PPP2R5C: variants seen among roughly 807,000 people sequenced by gnomAD.
PPP2R5C encodes the protein protein phosphatase 2 regulatory subunit B'gamma.
PPP2R5C carries 7 observed loss-of-function variants against 68.9 expected under a neutral mutation model. The ratio of observed to expected loss-of-function variants is 0.10; its 90% CI spans 0.06 to 0.19. The LOEUF is 0.19. Ranked by LOEUF, PPP2R5C falls within the 10% of genes least tolerant of loss-of-function variation. The pLI is 1.00. For missense variants in PPP2R5C, 348 were observed against 641.3 expected (o/e 0.54, Z 4.94); for synonymous variants, 210 against 222.2 (o/e 0.95, Z 0.49).
Position 101,917,716 on chromosome 14 carries a change from C to T in PPP2R5C, c.1327-115C>T. 3 of 1,444,768 alleles carry T rather than the reference C, an allele frequency of 2.1e-6. No homozygotes were observed. The South Asian group carries it at 3.9e-5, about 19-fold the overall frequency. The allele number at this position is 1,444,768 out of a possible 1,614,324, so 89.5% of individuals were successfully genotyped here. On this transcript the variant is annotated intron_variant, in intron 12 of 13. Transcript: ENST00000334743. This position sits in a 1 kb window ranked among gnomAD's most constrained non-coding sequence, Gnocchi z 4.4. ...GGCGAGTCTCCCACTGAGTGGGCTT[C>T]CTGCGGGAGAGGGCCCTGGGGGGCG...
At chr14:101,777,146 C>G (rs966148943) in intron 2 of PPP2R5C, among the ~76,000 whole-genome samples, 4 of 151,912 alleles carry the variant, frequency 2.6e-5, no homozygotes, top group Non-Finnish European at 4.4e-5. Flanking sequence ...CCCAAACGCT[C>G]GTTCCTTTTT....
intron 6 of PPP2R5C, among the ~76,000 whole-genome samples, 196 bp from the exon 9 acceptor site, chr14:101,892,804 G>A (rs561459461): frequency 5.2e-4 from 79 of 152,046 alleles, no homozygotes; most frequent in African/African-American, 1.9e-3. Context: ...CTACAGCCTC[G>A]AACTCCGGGT....
intron 1 of PPP2R5C, chr14:101,836,496 A>G (rs1478232701): frequency 1.6e-6 from 1 of 613,598 alleles, no homozygotes; most frequent in Non-Finnish European, 2.9e-6. Flanking sequence ...GTCTCATGCC[A>G]GGATCTGCAG....
In PPP2R5C at chr14:101,825,211, C is replaced by CGTGTGTGTGTGTGT. The variant is rs10588262; in HGVS notation, c.94+15200_94+15213dup. Among the ~76,000 whole-genome samples the CGTGTGTGTGTGTGT allele has an allele frequency of 7.7e-4, 110 of 143,108 alleles. 2 individuals are homozygous for CGTGTGTGTGTGTGT. The highest frequency in any genetic ancestry group is 5.0e-3 in the East Asian group (24 of 4,816). 93.9% of individuals were successfully genotyped at this position (143,108 alleles called of 152,430 possible). On this transcript the variant is annotated intron_variant, in intron 1 of 13. Transcript: ENST00000334743. This position sits in a 1 kb window ranked among gnomAD's most constrained non-coding sequence, Gnocchi z 4.0. ...AGGGATAGGATAAGAGGGTTTTCAG[C>CGTGTGTGTGTGTGT]GTGTGTGTGTGTGTGTGTGTGTGTG... is the stretch of plus-strand genomic sequence containing the variant.
intron 2 of PPP2R5C, among the ~76,000 whole-genome samples, chr14:101,860,556 A>T (rs1003715959): frequency 5.9e-5 from 9 of 152,178 alleles, no homozygotes; most frequent in Non-Finnish European, 1.3e-4. Context: ...TATACCTAGG[A>T]GTAGAGTCGC....
chr14:101,924,090 A>G (rs2047156032), intron 13 of PPP2R5C, among the ~76,000 whole-genome samples: 1 of 152,218 alleles, frequency 6.6e-6, no homozygotes, highest in African/African-American at 2.4e-5. Context: ...TGGCATATAC[A>G]TCATGTTTGG....
upstream of PPP2R5C, chr14:101,760,728 T>TC (rs1226813440): frequency 9.9e-6 from 8 of 805,856 alleles, no homozygotes; most frequent in African/African-American, 2.0e-4. Flanking sequence ...GCTGAGCTGG[T>TC]GAGGGGAGGG....
chr14:101,863,574 A>G (rs891823153), intron 2 of PPP2R5C, among the ~76,000 whole-genome samples: 2 of 152,188 alleles, frequency 1.3e-5, no homozygotes, highest in African/African-American at 4.8e-5. Context: ...CAAAGGCTGC[A>G]GCTTCAACAG....
At position 101,913,281 on chromosome 14, in the gene PPP2R5C, A is replaced by T. The variant is rs1191752493; in HGVS notation, c.1326+808A>T. On this transcript the variant is annotated intron_variant, in intron 12 of 13. Coordinates refer to ENST00000334743, the Ensembl canonical transcript of PPP2R5C. This position sits in a 1 kb window ranked among gnomAD's most constrained non-coding sequence, Gnocchi z 4.1. The stretch of plus-strand genomic sequence containing the variant: ...AAGCTTTCCTTCAACTCTCCAGAAA[A>T]GATTTTACCGAACAATGTATTTCTT... Among the ~76,000 whole-genome samples, 1 of 152,200 alleles carries T rather than the reference A, an allele frequency of 6.6e-6. No homozygotes were observed. Among genetic ancestry groups the T allele is most frequent in the Non-Finnish European group, 1.5e-5 (1 of 68,044 alleles).
Position 101,882,127 on chromosome 14 carries a change from C to T in PPP2R5C, c.295-34C>T, listed in dbSNP as rs543079065. On this transcript the variant is annotated intron_variant, in intron 2 of 13. Transcript: ENST00000334743. This position sits in a 1 kb window ranked among gnomAD's most constrained non-coding sequence, Gnocchi z 4.9. ...ATGTTGTCTGTAAATATTTTAAATG[C>T]CCTGATTGTAATTATAGAATATGTG... 14 of 1,478,304 alleles carry T rather than the reference C, an allele frequency of 9.5e-6. No individual in the cohort carries two copies. The African/African-American group carries it at 1.4e-4, about 15-fold the overall frequency. 91.6% of individuals were successfully genotyped at this position (1,478,304 alleles called of 1,614,324 possible).
Position 101,859,312 on chromosome 14 carries a change from GCA to G in PPP2R5C, c.294+2428_294+2429del, listed in dbSNP as rs1477908455. Among the ~76,000 whole-genome samples, 14 of 152,380 alleles carry G rather than the reference GCA, an allele frequency of 9.2e-5. No individual in the cohort carries two copies. The South Asian group carries it at 2.9e-3, about 32-fold the overall frequency. ...TAATCCAGATGAAATAGATAGGGTT[GCA>G]AGACTGGGAATGTGATTTCTGCCTT... On this transcript the variant is annotated intron_variant, in intron 2 of 13. Transcript: ENST00000334743.
chr14:101,857,802 T>C (rs896127330), intron 2 of PPP2R5C, among the ~76,000 whole-genome samples: 1 of 152,258 alleles, frequency 6.6e-6, no homozygotes, highest in South Asian at 2.1e-4. Flanking sequence ...TAGTGTAAAA[T>C]GTTAAGTCCA....
intron 1 of PPP2R5C, chr14:101,819,458 T>C (rs2140255804): frequency 5.3e-6 from 1 of 187,182 alleles, no homozygotes; most frequent in South Asian, 1.3e-4. Context: ...AGGACAGCGG[T>C]GTTCAGCTAG....
intron 10 of PPP2R5C, among the ~76,000 whole-genome samples, chr14:101,907,468 A>G (rs1372168548): frequency 6.6e-6 from 1 of 152,136 alleles, no homozygotes; most frequent in Admixed American, 6.6e-5. Context: ...CGCCCAGGCC[A>G]TATTATTTAT....
Position 101,877,701 on chromosome 14 carries a change from C to G in PPP2R5C, c.295-4460C>G, listed in dbSNP as rs746584258. 6.6e-6 allele frequency among the ~76,000 whole-genome samples: 1 copy of G among 152,124 alleles called. No homozygotes were observed. Among genetic ancestry groups the G allele is most frequent in the Admixed American group, 6.6e-5 (1 of 15,262 alleles). ...CCAAGAAGAATTTGAGGTGATAGAC[C>G]GTTGGCCCTCTGTTCCTTCCCCCCG... On this transcript the variant is annotated intron_variant, in intron 2 of 13. Coordinates refer to ENST00000334743, the Ensembl canonical transcript of PPP2R5C. This position sits in a 1 kb window ranked among gnomAD's most constrained non-coding sequence, Gnocchi z 4.2.
At chr14:101,890,523 G>A (rs1401553027) in intron 6 of PPP2R5C, among the ~76,000 whole-genome samples, 1 of 152,076 alleles carries the variant, frequency 6.6e-6, no homozygotes, top group Admixed American at 6.6e-5. Context: ...ATTCTACTTC[G>A]TATACCTCAG....
chr14:101,806,476 A>T (rs1356964696), upstream of PPP2R5C, among the ~76,000 whole-genome samples: 1 of 152,206 alleles, frequency 6.6e-6, no homozygotes, highest in Non-Finnish European at 1.5e-5. Context: ...TCCATGGTAC[A>T]TATGTGCCAC....
At chr14:101,786,461 G>T (rs1280572079) in intron 3 of PPP2R5C, among the ~76,000 whole-genome samples, 1 of 152,024 alleles carries the variant, frequency 6.6e-6, no homozygotes, top group Non-Finnish European at 1.5e-5. Context: ...TTTATTTATG[G>T]TATTAAGCTA....
intron 1 of PPP2R5C, among the ~76,000 whole-genome samples, chr14:101,841,610 A>T (rs959770890): frequency 1.3e-5 from 2 of 152,178 alleles, no homozygotes; most frequent in Admixed American, 6.5e-5. Flanking sequence ...TGGGGCGAGG[A>T]AAGGGGGTTG....
Sources: gnomAD v4.1 joint callset for allele counts (sites outside exome capture counted in the v4.1 genomes callset) on GRCh38, gnomAD v4.1.1 for gene constraint, Gnocchi (gnomAD v3.1) non-coding constraint, MANE v1.5 for transcripts, NCBI Gene and HGNC (gene_info 2026-07-23, HGNC 2026-07-21) for gene names.